Variants in SYF2 observed in about 807,000 individuals in gnomAD.
The protein encoded by SYF2 is pre-mRNA-splicing factor SYF2.
A neutral mutation model predicts 32.7 loss-of-function variants in SYF2; 21 were observed. The ratio of observed to expected loss-of-function variants is 0.64; its 90% CI spans 0.45 to 0.92. SYF2 has a LOEUF of 0.92. Among genes scored for constraint, SYF2 ranks in the 40% least tolerant of loss-of-function variants. The pLI, the probability that SYF2 is intolerant of heterozygous loss-of-function variation, is 0.00. For synonymous variants in SYF2, 114 were observed against 103.9 expected, an observed-to-expected ratio of 1.10 and a Z score of -0.59; for missense variants, 278 against 296.5, an observed-to-expected ratio of 0.94 and a Z score of 0.46.
At chr1:25,226,147 CA>C (rs377438209) in intron 5 of SYF2, among the ~76,000 whole-genome samples, 36 of 143,882 alleles carry the variant, frequency 2.5e-4, no homozygotes, top group African/African-American at 7.2e-4. Flanking sequence ...GATTCTATCT[CA>C]AAAAAAAAAT....
At chr1:25,224,390 G>C (rs1295000374) in intron 6 of SYF2, among the ~76,000 whole-genome samples, 1 of 152,032 alleles carries the variant, frequency 6.6e-6, no homozygotes, top group African/African-American at 2.4e-5. Context: ...CAAGTAGCTA[G>C]GACTACAGGC....
In SYF2 at chr1:25,228,106, G is replaced by A; in HGVS notation, c.376+12C>T. 6.2e-7 allele frequency: 1 copy of A among 1,603,382 alleles called. No homozygotes were observed. Among genetic ancestry groups the A allele is most frequent in the African/African-American group, 1.3e-5 (1 of 74,734 alleles). The stretch of plus-strand genomic sequence containing the variant: ...AGCCCAGTCAATAAGGTTCAATAAA[G>A]GTCAATCTGACCTGAAAATCCCAGA... On this transcript the variant is annotated intron_variant, in intron 4 of 6. Transcript: ENST00000236273.
chr1:25,223,705 T>C (rs1056285311), intron 6 of SYF2, among the ~76,000 whole-genome samples: 5 of 152,144 alleles, frequency 3.3e-5, no homozygotes, highest in Non-Finnish European at 5.9e-5. Flanking sequence ...AAGATAACTA[T>C]TGGCTGGGCA....
In SYF2 at chr1:25,232,431, G is replaced by A; in HGVS notation, c.24+13C>T. ...ACCAACAAAACCCCCGGTGTACGGT[G>A]GGTGGAACTCACCTCGGATGCAGCT... On this transcript the variant is annotated intron_variant, in intron 1 of 6. Transcript: ENST00000236273. 2 of 1,614,218 alleles carry A rather than the reference G, an allele frequency of 1.2e-6. No individual in the cohort carries two copies. The highest frequency in any genetic ancestry group is 1.7e-6 in the Non-Finnish European group (2 of 1,180,036).
chr1:25,225,716 G>A (rs1329476319), intron 5 of SYF2, among the ~76,000 whole-genome samples: 16 of 148,646 alleles, frequency 1.1e-4, no homozygotes, highest in Non-Finnish European at 1.9e-4. Context: ...AAATTAGCTG[G>A]GCGTGGTGGC....
At chr1:25,229,588 A>C (rs1364692815) in intron 2 of SYF2, among the ~76,000 whole-genome samples, 1 of 152,072 alleles carries the variant, frequency 6.6e-6, no homozygotes, top group East Asian at 1.9e-4. Context: ...CAGGCTGGCC[A>C]ACATGGTGAA....
intron 6 of SYF2, 35 bp from the exon 7 acceptor site, chr1:25,223,466 T>C (rs772934925): frequency 6.3e-7 from 1 of 1,591,632 alleles, no homozygotes; most frequent in Non-Finnish European, 8.5e-7. Flanking sequence ...AATTCAAAAT[T>C]GCCTTCTCTT....
In SYF2 at chr1:25,227,512, G is replaced by C. The variant is rs778083415; in HGVS notation, c.397C>G (p.Arg133Gly). ...TGCTTGGTCAACCGATGATACTGGC[G>C]TAACTGGGCAGCAGCATAATCTAAA... ...GFSDYAAAQL[R>G]QYHRLTKQIK... Residue 133 changes from arginine to glycine, a missense_variant, in exon 5 of 7, where the codon CGC becomes GGC. Transcript: ENST00000236273. The C allele has an allele frequency of 1.2e-6, 2 of 1,613,522 alleles. No homozygotes were observed. Among genetic ancestry groups the C allele is most frequent in the Admixed American group, 1.7e-5 (1 of 59,856 alleles).
chr1:25,223,953 G>C (rs1439326780), intron 6 of SYF2, among the ~76,000 whole-genome samples: 1 of 152,098 alleles, frequency 6.6e-6, no homozygotes, highest in African/African-American at 2.4e-5. Context: ...CAGCACTTTG[G>C]GAGGCCAAGG....
chr1:25,228,947 T>TA, intron 3 of SYF2, 51 bp downstream of exon 3: 5 of 1,588,512 alleles, frequency 3.1e-6, no homozygotes, highest in Non-Finnish European at 4.3e-6. Flanking sequence ...AGTGTCTTGA[T>TA]ACAACAGAAT....
chr1:25,228,646 C>T (rs773177247), intron 3 of SYF2, among the ~76,000 whole-genome samples: 10 of 152,080 alleles, frequency 6.6e-5, no homozygotes, highest in Non-Finnish European at 1.2e-4. Flanking sequence ...ACTTTAATAG[C>T]ATTTAAAGGA....
chr1:25,229,144 G>A, intron 2 of SYF2, 21 bp from the exon 3 acceptor site: 3 of 1,606,770 alleles, frequency 1.9e-6, no homozygotes, highest in Non-Finnish European at 2.5e-6. Flanking sequence ...AACACAAGAA[G>A]TCTGTCAGCT....
intron 6 of SYF2, among the ~76,000 whole-genome samples, chr1:25,223,914 C>G (rs540420693): frequency 3.9e-5 from 6 of 152,224 alleles, no homozygotes; most frequent in Admixed American, 2.6e-4. Context: ...ATTAAATAGG[C>G]CAGGCGCAGT....
At chr1:25,228,448 T>C (rs1051565703) in intron 3 of SYF2, among the ~76,000 whole-genome samples, 2 of 152,124 alleles carry the variant, frequency 1.3e-5, no homozygotes, top group Non-Finnish European at 2.9e-5. Flanking sequence ...GATTCTCATC[T>C]CTTAGCCTCC....
At chr1:25,224,031 T>C (rs1392022981) in intron 6 of SYF2, among the ~76,000 whole-genome samples, 1 of 151,928 alleles carries the variant, frequency 6.6e-6, no homozygotes, top group Non-Finnish European at 1.5e-5. Flanking sequence ...CCGTCTCTAC[T>C]AAAAATACAA....
At chr1:25,227,889 AAC>A (rs745480371) in intron 4 of SYF2, among the ~76,000 whole-genome samples, 2 of 152,196 alleles carry the variant, frequency 1.3e-5, no homozygotes, top group Non-Finnish European at 2.9e-5. Context: ...GATGCTGACA[AAC>A]AGACTTTGAT....
At chr1:25,228,355 G>A (rs547013784) in intron 3 of SYF2, 120 bp from the exon 4 acceptor site, 3 of 876,112 alleles carry the variant, frequency 3.4e-6, no homozygotes, top group East Asian at 5.1e-5. Context: ...TTTTTAGTTG[G>A]AGTTTCACTC....
At chr1:25,230,955 C>G (rs1466333945) in intron 2 of SYF2, 1 of 152,008 alleles carries the variant, frequency 6.6e-6, no homozygotes, top group South Asian at 2.1e-4. Flanking sequence ...CCGTGTAGCC[C>G]GCCAGCACGC....
Position 25,226,303 on chromosome 1 carries a change from G to C in SYF2, c.467+1139C>G, listed in dbSNP as rs563933994. Among the ~76,000 whole-genome samples, 5 of 152,348 alleles carry C rather than the reference G, an allele frequency of 3.3e-5. No individual in the cohort carries two copies. The East Asian group carries it at 7.7e-4, about 23-fold the overall frequency. ...CAGAGGTCACAAAGTGCTAGGAACA[G>C]AGCTGGGATTAGAGCTCCATCCTGA... is the stretch of plus-strand genomic sequence containing the variant. On this transcript the variant is annotated intron_variant, in intron 5 of 6. Transcript: ENST00000236273.
Sources: gnomAD v4.1 joint callset for allele counts (sites outside exome capture counted in the v4.1 genomes callset) on GRCh38, gnomAD v4.1.1 for gene constraint, MANE v1.5 for transcripts, NCBI Gene and HGNC (gene_info 2026-07-23, HGNC 2026-07-21) for gene names.